The following USP40 variants were observed in gnomAD, a reference collection of about 807,000 sequenced individuals.
The protein encoded by USP40 is ubiquitin carboxyl-terminal hydrolase 40.
USP40 carries 143 observed loss-of-function variants against 166.2 expected under a neutral mutation model. The observed-to-expected ratio is 0.86, with a 90% CI of 0.75 to 0.99. The LOEUF is 0.99. Ranked by LOEUF, USP40 falls within the 50% of genes least tolerant of loss-of-function variation. USP40 has a pLI of 0.00. For synonymous variants in USP40, 498 were observed against 524.0 expected (o/e 0.95, Z 0.68); for missense variants, 1,444 against 1,479.7 (o/e 0.98, Z 0.40).
chr2:233,549,645 C>CCT (rs542364651), intron 7 of USP40, among the ~76,000 whole-genome samples: 10 of 151,730 alleles, frequency 6.6e-5, no homozygotes, highest in African/African-American at 2.4e-4. Flanking sequence ...AATGCATCCC[C>CCT]TTTTTTTATT....
At chr2:233,525,637 C>T (rs1213099658) in intron 13 of USP40, 75 bp from the exon 14 acceptor site, 3 of 1,082,472 alleles carry the variant, frequency 2.8e-6, no homozygotes, top group Non-Finnish European at 4.1e-6. Context: ...GTTACTGTGC[C>T]AACTCACATA....
intron 10 of USP40, among the ~76,000 whole-genome samples, chr2:233,536,523 T>C (rs925480676): frequency 1.3e-5 from 2 of 152,164 alleles, no homozygotes; most frequent in East Asian, 1.9e-4. Flanking sequence ...TGGTGAAACA[T>C]GCCAGTAATC....
At chr2:233,523,085 C>A (rs2067766538) in intron 16 of USP40, 85 bp downstream of exon 16, 1 of 1,381,302 alleles carries the variant, frequency 7.2e-7, no homozygotes, top group Non-Finnish European at 9.8e-7. Context: ...ACTCTTGTCA[C>A]TAAAATAAAG....
chr2:233,560,419 A>G (rs2125397505), intron 3 of USP40, among the ~76,000 whole-genome samples: 1 of 152,296 alleles, frequency 6.6e-6, no homozygotes, highest in South Asian at 2.1e-4. Flanking sequence ...TGTTGCTCAG[A>G]GTCTGGTCTG....
At position 233,525,479 on chromosome 2, in the gene USP40, G is replaced by T. The variant is rs201166361; in HGVS notation, c.1809C>A (p.Gly603=). 2.1e-5 allele frequency: 34 copies of T among 1,610,718 alleles called. No homozygotes were observed. The East Asian group carries it at 6.2e-4, about 30-fold the overall frequency. ...GCTATGTTTTCATATTTATCTTACC[G>T]CCAAGTGACTGGTAAATGTGAAGTC... ...PAGLHIYQSL[G]GDELTLCETE... The change falls in exon 14 of 32, where the codon GGC becomes GGA. Residue 603 remains glycine, a splice_region_variant and synonymous_variant. Coordinates refer to ENST00000678225, the MANE Select transcript of USP40 (RefSeq NM_001365479.2).
intron 4 of USP40, 68 bp downstream of exon 4, chr2:233,559,743 A>G: frequency 9.1e-7 from 1 of 1,093,384 alleles, no homozygotes; most frequent in Non-Finnish European, 1.3e-6. Context: ...GAAGTTAGAT[A>G]ACATTAAACC....
intron 11 of USP40, among the ~76,000 whole-genome samples, chr2:233,532,568 T>C (rs936330368): frequency 6.6e-6 from 1 of 152,240 alleles, no homozygotes; most frequent in African/African-American, 2.4e-5. Flanking sequence ...TTGTTTTCCA[T>C]ACATCTCTGC....
In USP40 at chr2:233,488,307, GATA is replaced by G. The variant is rs780339996; in HGVS notation, c.3132-6_3132-4del. 6.3e-7 allele frequency: 1 copy of G among 1,590,462 alleles called. No homozygotes were observed. Among genetic ancestry groups the G allele is most frequent in the South Asian group, 1.2e-5 (1 of 86,896 alleles). On this transcript the variant is annotated splice_region_variant and splice_polypyrimidine_tract_variant and intron_variant, in intron 27 of 31. Coordinates refer to ENST00000678225, the MANE Select transcript of USP40 (RefSeq NM_001365479.2). ...TTCTCCGTCCTAGTTTATATTCCCT[GATA>G]ATAAGTGAAACAAGATAATATTGAG...
rs777399846 is a variant in USP40 at position 233,493,528 on chromosome 2, C to G, written c.2814G>C (p.Trp938Cys). Residue 938 changes from tryptophan (W) to cysteine (C), a missense_variant, in exon 25 of 32, where the codon TGG becomes TGC. Transcript: ENST00000678225. This position sits in a 1 kb window ranked among gnomAD's most constrained non-coding sequence, Gnocchi z 4.7. ...CTGAGGGACCCTGAAGCTGGTACCA[C>G]CAGATGGGCACCTTCAGGAAACCCT... ...PPLGFLKVPI[W>C]WYQLQGPSGH... The G allele has an allele frequency of 6.2e-7, 1 of 1,613,242 alleles. No homozygotes were observed. Among genetic ancestry groups the G allele is most frequent in the Non-Finnish European group, 8.5e-7 (1 of 1,179,596 alleles).
At chr2:233,548,839 C>A (rs772696848) in intron 8 of USP40, among the ~76,000 whole-genome samples, 4 of 152,020 alleles carry the variant, frequency 2.6e-5, no homozygotes, top group Non-Finnish European at 4.4e-5. Context: ...TGCACATGCA[C>A]AAATGTGGCA....
chr2:233,560,513 T>C (rs1461910627), intron 3 of USP40, among the ~76,000 whole-genome samples: 1 of 152,154 alleles, frequency 6.6e-6, no homozygotes, highest in Non-Finnish European at 1.5e-5. Flanking sequence ...ATTTTTATTA[T>C]ATACTAGAAA....
intron 18 of USP40, among the ~76,000 whole-genome samples, chr2:233,513,383 A>G (rs838552): frequency 0.26 from 39,022 of 152,074 alleles, 5,545 homozygotes; most frequent in African/African-American, 0.38. Context: ...GTTTAGCACT[A>G]CAACACAACT....
At chr2:233,545,609 G>T in intron 8 of USP40, 1 of 153,578 alleles carries the variant, frequency 6.5e-6, no homozygotes. Context: ...CTCCATGCTA[G>T]AAGAAAGGGA....
intron 2 of USP40, among the ~76,000 whole-genome samples, chr2:233,563,711 T>G (rs1438737821): frequency 1.3e-5 from 2 of 152,218 alleles, no homozygotes; most frequent in Non-Finnish European, 2.9e-5. Context: ...GCCAGTTCTC[T>G]GACAGTCCTT....
intron 21 of USP40, among the ~76,000 whole-genome samples, chr2:233,508,085 C>G (rs1381729644): frequency 1.3e-5 from 2 of 152,014 alleles, no homozygotes; most frequent in African/African-American, 4.8e-5. Context: ...CTTTCCCTGC[C>G]CTTGCCCAGA....
chr2:233,543,385 A>G (rs2069602526), intron 8 of USP40, among the ~76,000 whole-genome samples: 1 of 152,212 alleles, frequency 6.6e-6, no homozygotes, highest in Non-Finnish European at 1.5e-5. Flanking sequence ...CATCAGGGAA[A>G]ACTCTTCTGA....
At chr2:233,548,318 T>C (rs2070191797) in intron 8 of USP40, among the ~76,000 whole-genome samples, 1 of 152,210 alleles carries the variant, frequency 6.6e-6, no homozygotes, top group Non-Finnish European at 1.5e-5. Flanking sequence ...ACCCTGGTTT[T>C]AAATCCTATT....
At chr2:233,552,223 TG>T (rs769044659) in intron 6 of USP40, among the ~76,000 whole-genome samples, 132 of 140,890 alleles carry the variant, frequency 9.4e-4, no homozygotes, top group Non-Finnish European at 1.5e-3. Context: ...AAAAGTTGAA[TG>T]AAAAAAAAAA....
intron 10 of USP40, among the ~76,000 whole-genome samples, chr2:233,538,877 C>T (rs1368882169): frequency 6.6e-6 from 1 of 152,022 alleles, no homozygotes; most frequent in Non-Finnish European, 1.5e-5. Flanking sequence ...AAAAAAAGAA[C>T]ACATAGCCAG....
Sources: gnomAD v4.1 joint callset for allele counts (sites outside exome capture counted in the v4.1 genomes callset) on GRCh38, gnomAD v4.1.1 for gene constraint, Gnocchi (gnomAD v3.1) non-coding constraint, MANE v1.5 for transcripts, NCBI Gene and HGNC (gene_info 2026-07-23, HGNC 2026-07-21) for gene names.